The following RBFOX1 variants were observed in gnomAD, a reference collection of about 807,000 sequenced individuals.
The protein encoded by RBFOX1 is RNA binding fox-1 homolog 1.
In RBFOX1, 8 loss-of-function variants were observed where a neutral mutation model predicts 57.7. The observed-to-expected ratio is 0.14, with a 90% CI of 0.08 to 0.25. RBFOX1 has a LOEUF of 0.25. RBFOX1 is among the 10% of genes least tolerant of loss of function. The pLI, the probability that RBFOX1 is intolerant of heterozygous loss-of-function variation, is 1.00. For missense variants in RBFOX1, 611 were observed against 548.5 expected (o/e 1.11, Z -1.14); for synonymous variants, 326 against 222.4 (o/e 1.47, Z -4.15).
intron 2 of RBFOX1, among the ~76,000 whole-genome samples, chr16:5,496,216 C>T (rs915787611): frequency 1.3e-5 from 2 of 152,210 alleles, no homozygotes; most frequent in Non-Finnish European, 1.5e-5. Context: ...CCTCCAATCC[C>T]TTTTCTTGAG....
At chr16:6,111,051 G>T (rs754648376) in intron 1 of RBFOX1, among the ~76,000 whole-genome samples, 3 of 152,160 alleles carry the variant, frequency 2.0e-5, no homozygotes, top group Non-Finnish European at 4.4e-5. Context: ...TACAGGGGTG[G>T]AATGGGGAGG....
At chr16:6,989,093 C>T (rs562655576) in intron 3 of RBFOX1, among the ~76,000 whole-genome samples, 24 of 152,136 alleles carry the variant, frequency 1.6e-4, no homozygotes, top group African/African-American at 5.1e-4. Context: ...GACGGGATTT[C>T]GCCATGTTGG....
rs1234921684 is a variant in RBFOX1, at chr16:5,547,302, ATGAACAT to A, written c.259-51596_259-51590del. On this transcript the variant is annotated intron_variant, in intron 2 of 2. Coordinates refer to the RBFOX1 transcript ENST00000585867. ...ATGTCCTCAAACAACACACATGTGC[ATGAACAT>A]TGATGGTGATTTTATTTATCAGAGC... Among the ~76,000 whole-genome samples the A allele has an allele frequency of 1.2e-4, 19 of 152,358 alleles. No homozygotes were observed. The East Asian group carries it at 3.7e-3, about 29-fold the overall frequency.
chr16:5,795,616 A>G (rs749181905), intron 3 of RBFOX1, among the ~76,000 whole-genome samples: 1 of 152,066 alleles, frequency 6.6e-6, no homozygotes, highest in Non-Finnish European at 1.5e-5. Context: ...TGTTTCCTTG[A>G]CCTGGAATTC....
intron 4 of RBFOX1, among the ~76,000 whole-genome samples, chr16:7,234,009 C>T (rs1387639298): frequency 2.0e-5 from 3 of 152,122 alleles, no homozygotes; most frequent in South Asian, 2.1e-4. Flanking sequence ...TTTTCATTTT[C>T]AGCAAAACTG....
chr16:6,238,598 C>T (rs894578030), intron 1 of RBFOX1, among the ~76,000 whole-genome samples: 3 of 152,122 alleles, frequency 2.0e-5, no homozygotes, highest in East Asian at 1.9e-4. Context: ...GCTTCAAATT[C>T]GAATCAGTTG....
At chr16:5,707,063 C>T (rs2051278425) in intron 3 of RBFOX1, among the ~76,000 whole-genome samples, 1 of 152,144 alleles carries the variant, frequency 6.6e-6, no homozygotes, top group African/African-American at 2.4e-5. Context: ...CCAGGGGTGT[C>T]CAGACACAAA....
chr16:7,193,342 C>G (rs1463658119), intron 4 of RBFOX1, among the ~76,000 whole-genome samples: 2 of 152,172 alleles, frequency 1.3e-5, no homozygotes, highest in Non-Finnish European at 2.9e-5. Flanking sequence ...AGATTCTTCC[C>G]TAGAACCTCC....
At chr16:7,012,801 A>G (rs2093714659) in intron 3 of RBFOX1, among the ~76,000 whole-genome samples, 1 of 152,152 alleles carries the variant, frequency 6.6e-6, no homozygotes, top group Non-Finnish European at 1.5e-5. Context: ...ACAAACTGAT[A>G]TCTTAGTGTG....
rs542026693 is a variant in RBFOX1, at chr16:7,209,895, C to G, written c.27+157797C>G. 1.6e-4 allele frequency among the ~76,000 whole-genome samples: 24 copies of G among 152,286 alleles called. No individual in the cohort carries two copies. The South Asian group carries it at 5.0e-3, about 32-fold the overall frequency. On this transcript the variant is annotated intron_variant, in intron 4 of 15. Coordinates refer to ENST00000550418, the MANE Select transcript of RBFOX1 (RefSeq NM_018723.4). ...TCAAGGTCTTGAAAATGCCTGACCCCTAGTGCAGGGGTTCCATGATGCACC... is the reference window on the plus strand; with the variant it reads ...TCAAGGTCTTGAAAATGCCTGACCCGTAGTGCAGGGGTTCCATGATGCACC...
intron 2 of RBFOX1, among the ~76,000 whole-genome samples, chr16:6,558,700 A>C (rs141111990): frequency 2.0e-5 from 3 of 152,228 alleles, no homozygotes; most frequent in Non-Finnish European, 2.9e-5. Context: ...GTGCTTATTC[A>C]TTCCCTCCGT....
chr16:7,303,207 A>T (rs188760838), intron 4 of RBFOX1, among the ~76,000 whole-genome samples: 178 of 152,326 alleles, frequency 1.2e-3, no homozygotes, highest in Non-Finnish European at 2.3e-3. Context: ...TGCCCAACCA[A>T]GGCGAGGCAC....
chr16:5,998,576 C>G (rs564718279), intron 4 of RBFOX1, among the ~76,000 whole-genome samples: 1 of 152,078 alleles, frequency 6.6e-6, no homozygotes, highest in African/African-American at 2.4e-5. Context: ...TAAAATGGAT[C>G]AAAGCTGAGG....
At chr16:6,244,280 C>G (rs1567759908) in intron 1 of RBFOX1, among the ~76,000 whole-genome samples, 1 of 151,764 alleles carries the variant, frequency 6.6e-6, no homozygotes, top group Non-Finnish European at 1.5e-5. Context: ...GAATGAAATC[C>G]ACGTGTTTTT....
Position 6,677,367 on chromosome 16 carries a change from G to T in RBFOX1, c.-16+22717G>T, listed in dbSNP as rs570860583. The stretch of plus-strand genomic sequence containing the variant: ...CTCCATAGATACAAACACACATCAA[G>T]ATGTAAATATATGTGATATGTTTCT... On this transcript the variant is annotated intron_variant, in intron 3 of 15. Transcript: ENST00000550418. 4.6e-5 allele frequency among the ~76,000 whole-genome samples: 7 copies of T among 152,234 alleles called. No individual in the cohort carries two copies. In the South Asian group the frequency reaches 6.2e-4, roughly 14 times the overall value.
chr16:5,869,991 C>T (rs141193160), intron 4 of RBFOX1, among the ~76,000 whole-genome samples: 54 of 151,788 alleles, frequency 3.6e-4, no homozygotes, highest in Middle Eastern at 6.8e-3. Flanking sequence ...ATACAGCAAT[C>T]AAAAAATATT....
intron 2 of RBFOX1, among the ~76,000 whole-genome samples, chr16:5,575,630 A>T (rs752761510): frequency 6.6e-6 from 1 of 152,212 alleles, no homozygotes; most frequent in Non-Finnish European, 1.5e-5. Context: ...CAAAGCTTCC[A>T]GAGGCGCATG....
chr16:6,043,242 T>C (rs1567320695), intron 1 of RBFOX1, among the ~76,000 whole-genome samples: 2 of 150,182 alleles, frequency 1.3e-5, no homozygotes, highest in Admixed American at 6.7e-5. Context: ...GAATAGATGG[T>C]AGATGTCTTG....
intron 2 of RBFOX1, among the ~76,000 whole-genome samples, chr16:6,546,451 A>G (rs1020758344): frequency 6.6e-6 from 1 of 152,176 alleles, no homozygotes; most frequent in Non-Finnish European, 1.5e-5. Flanking sequence ...TGAAACCTGT[A>G]AGGGAATTCT....
Sources: allele counts gnomAD v4.1 joint callset (sites outside exome capture counted in the v4.1 genomes callset), GRCh38; gene constraint gnomAD v4.1.1; transcripts MANE v1.5; gene names NCBI Gene and HGNC (gene_info 2026-07-23, HGNC 2026-07-21).